Variants in DDR2 observed in about 807,000 individuals in gnomAD.
DDR2 encodes discoidin domain-containing receptor 2.
A neutral mutation model predicts 94.9 loss-of-function variants in DDR2; 27 were observed. The observed-to-expected ratio is 0.28, with a 90% CI of 0.21 to 0.39. The LOEUF is 0.39. DDR2 is among the 10% of genes least tolerant of loss of function. DDR2 has a pLI of 1.00. For missense variants in DDR2, 783 were observed against 1,076.0 expected, an observed-to-expected ratio of 0.73 and a Z score of 3.81; for synonymous variants, 382 against 377.2, an observed-to-expected ratio of 1.01 and a Z score of -0.15.
intron 2 of DDR2, among the ~76,000 whole-genome samples, chr1:162,690,304 C>T (rs1333182172): frequency 1.3e-5 from 2 of 152,122 alleles, no homozygotes; most frequent in African/African-American, 2.4e-5. Flanking sequence ...AGTCTGGCTC[C>T]AGAGTCCATG....
chr1:162,699,020 A>T (rs546609740), intron 2 of DDR2, among the ~76,000 whole-genome samples: 3 of 152,286 alleles, frequency 2.0e-5, no homozygotes, highest in Non-Finnish European at 4.4e-5. Flanking sequence ...TACTATAAGG[A>T]TATTCTCTGG....
At chr1:162,757,172 C>A (rs988952991) in intron 7 of DDR2, among the ~76,000 whole-genome samples, 3 of 152,178 alleles carry the variant, frequency 2.0e-5, no homozygotes, top group East Asian at 3.8e-4. Flanking sequence ...ATAAAAGTTA[C>A]TTCTGTTTGC....
At chr1:162,666,087 C>G (rs1658543819) in intron 2 of DDR2, among the ~76,000 whole-genome samples, 1 of 152,110 alleles carries the variant, frequency 6.6e-6, no homozygotes. Flanking sequence ...ACCAAAACGC[C>G]AAGAGCATCT....
intron 3 of DDR2, among the ~76,000 whole-genome samples, chr1:162,735,887 C>T (rs2102070287): frequency 6.6e-6 from 1 of 152,352 alleles, no homozygotes; most frequent in African/African-American, 2.4e-5. Flanking sequence ...TCATGATTCA[C>T]CTCATGTGAC....
intron 2 of DDR2, among the ~76,000 whole-genome samples, chr1:162,709,674 C>T (rs549209857): frequency 1.1e-3 from 168 of 152,310 alleles, no homozygotes; most frequent in African/African-American, 3.7e-3. Context: ...CCAGCACATG[C>T]TTCCAAGGGC....
chr1:162,729,300 ATTTTTTTTTTTT>A lies in DDR2; in HGVS notation c.82+10164_82+10175del, dbSNP rs869269032. Reference sequence around the variant, plus strand: ...TCCATTTATATATATATATATATATATTTTTTTTTTTTTTTTTTTTCCTTGGGAGAATAGTGT... The same window carrying A: ...TCCATTTATATATATATATATATATATTTTTTTTCCTTGGGAGAATAGTGT... On this transcript the variant is annotated intron_variant, in intron 3 of 17. Coordinates refer to ENST00000367921, the MANE Select transcript of DDR2 (RefSeq NM_006182.4). Among the ~76,000 whole-genome samples the A allele has an allele frequency of 6.5e-4, 61 of 93,994 alleles. No homozygotes were observed. The South Asian group carries it at 0.021, about 33-fold the overall frequency. The allele number at this position is 93,994 out of a possible 152,430, so 61.7% of individuals were successfully genotyped here.
At position 162,729,932 on chromosome 1, in the gene DDR2, G is replaced by A. The variant is rs1415445533; in HGVS notation, c.82+10787G>A. Among the ~76,000 whole-genome samples the A allele has an allele frequency of 4.6e-5, 7 of 151,174 alleles. No homozygotes were observed. The East Asian group carries it at 5.9e-4, about 13-fold the overall frequency. Reference sequence around the variant, plus strand: ...CTAATTTTGTATTTTTAGTAGGGACGAGGTTTCTCCATGTTGGTCAGGCTG... The same window carrying A: ...CTAATTTTGTATTTTTAGTAGGGACAAGGTTTCTCCATGTTGGTCAGGCTG... On this transcript the variant is annotated intron_variant, in intron 3 of 17. Transcript: ENST00000367921.
chr1:162,749,575 G>T lies in DDR2; in HGVS notation c.83-3520G>T, dbSNP rs541123121. 3.3e-5 allele frequency among the ~76,000 whole-genome samples: 5 copies of T among 152,300 alleles called. No homozygotes were observed. In the East Asian group the frequency reaches 9.6e-4, roughly 29 times the overall value. On this transcript the variant is annotated intron_variant, in intron 3 of 17. Transcript: ENST00000367921. ...GATGCACAGCTGAATTCTACCAGAG[G>T]TACAAAGAATAGCTGGTACCATTCC...
At chr1:162,725,861 T>C (rs182659951) in intron 3 of DDR2, among the ~76,000 whole-genome samples, 1 of 152,352 alleles carries the variant, frequency 6.6e-6, no homozygotes, top group Admixed American at 6.5e-5. Flanking sequence ...TATTATCAGA[T>C]GCTCAAAAGA....
At chr1:162,638,389 T>C (rs1331543792) in intron 1 of DDR2, among the ~76,000 whole-genome samples, 2 of 152,228 alleles carry the variant, frequency 1.3e-5, no homozygotes, top group African/African-American at 2.4e-5. Context: ...ATCATAATTA[T>C]GGCTATCGTT....
chr1:162,773,402 C>T (rs2102189338), intron 13 of DDR2, 67 bp from the exon 14 acceptor site: 3 of 1,602,532 alleles, frequency 1.9e-6, no homozygotes, highest in South Asian at 1.1e-5. Context: ...CCAGGAAATG[C>T]CCAGCAAGAG....
chr1:162,759,474 A>G (rs908947498), intron 7 of DDR2, among the ~76,000 whole-genome samples: 1 of 152,252 alleles, frequency 6.6e-6, no homozygotes, highest in African/African-American at 2.4e-5. Flanking sequence ...AGACATATTC[A>G]GTATATAAGA....
At chr1:162,729,302 T>G (rs12566821) in intron 3 of DDR2, among the ~76,000 whole-genome samples, 4 of 78,974 alleles carry the variant, frequency 5.1e-5, no homozygotes, top group East Asian at 3.5e-4. Context: ...ATATATATAT[T>G]TTTTTTTTTT....
rs762825451 is a variant in DDR2, at chr1:162,646,550, C to T, written c.-191-8661C>T. 1.1e-4 allele frequency among the ~76,000 whole-genome samples: 16 copies of T among 152,266 alleles called. No homozygotes were observed. The East Asian group carries it at 2.5e-3, about 24-fold the overall frequency. On this transcript the variant is annotated intron_variant, in intron 1 of 17. Coordinates refer to ENST00000367921, the MANE Select transcript of DDR2 (RefSeq NM_006182.4). ...TCACATGACAAGTAAGTGGCAGCAG[C>T]GGAATTTGAACCTATATCTTTCTCA...
rs1460407412 is a variant in DDR2 at position 162,658,200 on chromosome 1, G to A, written c.-28+2826G>A. 5.3e-5 allele frequency among the ~76,000 whole-genome samples: 8 copies of A among 152,172 alleles called. No individual in the cohort carries two copies. The East Asian group carries it at 1.5e-3, about 29-fold the overall frequency. On this transcript the variant is annotated intron_variant, in intron 2 of 17. Coordinates refer to ENST00000367921, the MANE Select transcript of DDR2 (RefSeq NM_006182.4). Reference sequence around the variant, plus strand: ...TCGCAAGTCTCTGGTCGGAGGTCCTGGTTTTATGTATTCTGCTGTGCACGC... The same window carrying A: ...TCGCAAGTCTCTGGTCGGAGGTCCTAGTTTTATGTATTCTGCTGTGCACGC...
chr1:162,671,071 C>T (rs1443174363), intron 2 of DDR2, among the ~76,000 whole-genome samples: 2 of 152,082 alleles, frequency 1.3e-5, no homozygotes, highest in Non-Finnish European at 2.9e-5. Context: ...CTCTTTGTAC[C>T]CTGTCAGCAC....
At chr1:162,691,637 C>T (rs1659966346) in intron 2 of DDR2, among the ~76,000 whole-genome samples, 1 of 152,172 alleles carries the variant, frequency 6.6e-6, no homozygotes, top group Admixed American at 6.5e-5. Flanking sequence ...GGAGGCGGTA[C>T]CCTGATTTGT....
intron 2 of DDR2, among the ~76,000 whole-genome samples, chr1:162,695,097 A>T (rs1660127453): frequency 6.6e-6 from 1 of 152,178 alleles, no homozygotes; most frequent in Non-Finnish European, 1.5e-5. Flanking sequence ...TTTGAATTCA[A>T]CTTTATTAAT....
At chr1:162,752,632 G>C (rs1193969202) in intron 3 of DDR2, among the ~76,000 whole-genome samples, 1 of 152,186 alleles carries the variant, frequency 6.6e-6, no homozygotes, top group East Asian at 1.9e-4. Context: ...CTTCATAGGT[G>C]AGTGTGTAGT....
Sources: gnomAD v4.1 joint callset for allele counts (sites outside exome capture counted in the v4.1 genomes callset) on GRCh38, gnomAD v4.1.1 for gene constraint, MANE v1.5 for transcripts, NCBI Gene and HGNC (gene_info 2026-07-23, HGNC 2026-07-21) for gene names.